Variants in MYO10 observed in about 807,000 individuals in gnomAD.
MYO10 encodes myosin X, also known as unconventional myosin-X.
In MYO10, 133 loss-of-function variants were observed where a neutral mutation model predicts 257.3. The ratio of observed to expected loss-of-function variants is 0.52; its 90% confidence interval spans 0.45 to 0.60. The LOEUF (loss-of-function observed/expected upper bound fraction) is 0.60. MYO10 is among the 20% of genes least tolerant of loss of function. The pLI is 0.00. For missense variants in MYO10, 2,399 were observed against 2,635.7 expected, an observed-to-expected ratio of 0.91 and a Z score of 1.97; for synonymous variants, 1,104 against 1,028.6, an observed-to-expected ratio of 1.07 and a Z score of -1.40.
intron 3 of MYO10, among the ~76,000 whole-genome samples, chr5:16,811,393 T>C (rs1742437356): frequency 6.6e-6 from 1 of 152,210 alleles, no homozygotes; most frequent in South Asian, 2.1e-4. Context: ...AACCTCAGGC[T>C]GCCCATCCCA....
chr5:16,839,840 C>T (rs1349755380), intron 2 of MYO10, among the ~76,000 whole-genome samples: 1 of 152,150 alleles, frequency 6.6e-6, no homozygotes, highest in African/African-American at 2.4e-5. Flanking sequence ...TTAAGGTAGG[C>T]TAGGCTAGGC....
chr5:16,668,306 C>G lies in MYO10; in HGVS notation c.6046G>C (p.Glu2016Gln). 1 of 1,613,334 alleles carries G rather than the reference C, an allele frequency of 6.2e-7. No homozygotes were observed. Among genetic ancestry groups the G allele is most frequent in the Non-Finnish European group, 8.5e-7 (1 of 1,179,664 alleles). The change falls in exon 40 of 41, where the codon GAG (glutamate) becomes CAG (glutamine). Residue 2016 changes from glutamate (E) to glutamine (Q), a missense_variant. Physicochemically the swap from Glu to Gln is conservative, Grantham distance 29. Transcript: ENST00000513610. ...CTGGTTTCAAAGAGCAGCTCCCTCTCATCGACCACGATCTTATACGTATTC... is the reference window on the plus strand; with the variant it reads ...CTGGTTTCAAAGAGCAGCTCCCTCTGATCGACCACGATCTTATACGTATTC... ...LANTYKIVVD[E>Q]RELLFETSEV...
intron 2 of MYO10, among the ~76,000 whole-genome samples, chr5:16,875,383 T>TA (rs1447402687): frequency 6.6e-6 from 1 of 152,060 alleles, no homozygotes; most frequent in Non-Finnish European, 1.5e-5. Flanking sequence ...CAGGGAAACT[T>TA]AAACATTTAA....
At chr5:16,789,726 G>A (rs1446326324) in intron 4 of MYO10, among the ~76,000 whole-genome samples, 4 of 152,172 alleles carry the variant, frequency 2.6e-5, no homozygotes, top group Non-Finnish European at 5.9e-5. Context: ...TTGGGAGGAG[G>A]AGCCGAGATT....
chr5:16,739,150 A>G (rs968671008), intron 19 of MYO10, among the ~76,000 whole-genome samples: 2 of 147,980 alleles, frequency 1.4e-5, no homozygotes, highest in Non-Finnish European at 3.0e-5. Context: ...TGTGCTTGTA[A>G]ATAGCCCCTG....
chr5:16,926,836 C>T (rs1042178072), intron 1 of MYO10, among the ~76,000 whole-genome samples: 2 of 151,786 alleles, frequency 1.3e-5, no homozygotes, highest in African/African-American at 2.4e-5. Context: ...AAAATATGGA[C>T]AAAAAAATAG....
intron 4 of MYO10, among the ~76,000 whole-genome samples, chr5:16,790,236 A>G (rs1741712461): frequency 6.6e-6 from 1 of 152,140 alleles, no homozygotes; most frequent in Non-Finnish European, 1.5e-5. Flanking sequence ...ATCCTGAACC[A>G]ACAGTCATTC....
intron 2 of MYO10, among the ~76,000 whole-genome samples, chr5:16,869,055 C>G (rs775264548): frequency 6.6e-6 from 1 of 152,204 alleles, no homozygotes; most frequent in Middle Eastern, 3.4e-3. Context: ...GACAGAGTCT[C>G]GCTCTGTCGC....
At chr5:16,810,003 A>G (rs1742388795) in intron 3 of MYO10, among the ~76,000 whole-genome samples, 2 of 152,082 alleles carry the variant, frequency 1.3e-5, no homozygotes. Flanking sequence ...CCCTGTAATG[A>G]AGAGAATGTG....
chr5:16,911,188 C>A (rs1156662760), intron 1 of MYO10, among the ~76,000 whole-genome samples: 1 of 152,110 alleles, frequency 6.6e-6, no homozygotes, highest in East Asian at 1.9e-4. Flanking sequence ...CTATGAGGAT[C>A]CATTCAGAAA....
At chr5:16,878,320 A>G (rs1744662119) in intron 1 of MYO10, among the ~76,000 whole-genome samples, 1 of 152,322 alleles carries the variant, frequency 6.6e-6, no homozygotes, top group East Asian at 1.9e-4. Flanking sequence ...GAAGTTTCTA[A>G]TATTTATCAG....
intron 2 of MYO10, among the ~76,000 whole-genome samples, chr5:16,841,468 T>C (rs1743479383): frequency 6.6e-6 from 1 of 152,204 alleles, no homozygotes; most frequent in Admixed American, 6.5e-5. Context: ...AAAATGTCTT[T>C]AAGTTAATCC....
At chr5:16,743,270 G>A (rs939245423) in intron 19 of MYO10, among the ~76,000 whole-genome samples, 2 of 152,144 alleles carry the variant, frequency 1.3e-5, no homozygotes, top group Non-Finnish European at 2.9e-5. Context: ...GTCCTAACTC[G>A]CAAGTTGATG....
At chr5:16,812,039 G>A (rs939150275) in intron 3 of MYO10, among the ~76,000 whole-genome samples, 2 of 152,146 alleles carry the variant, frequency 1.3e-5, no homozygotes, top group Non-Finnish European at 2.9e-5. Context: ...AGAAGTCTAG[G>A]CCCTCATCAG....
At chr5:16,673,964 G>C in intron 35 of MYO10, 75 bp from the exon 36 acceptor site, 1 of 1,373,482 alleles carries the variant, frequency 7.3e-7, no homozygotes, top group South Asian at 1.2e-5. Context: ...GCTGTGCCAA[G>C]GTTCTGTAGA....
chr5:16,736,892 T>C (rs1176493349), intron 19 of MYO10, among the ~76,000 whole-genome samples: 4 of 152,200 alleles, frequency 2.6e-5, no homozygotes, highest in Non-Finnish European at 5.9e-5. Flanking sequence ...GCAAAATTTG[T>C]CGTAGACCCC....
chr5:16,708,650 C>A (rs181721977), intron 21 of MYO10, among the ~76,000 whole-genome samples: 13 of 152,268 alleles, frequency 8.5e-5, no homozygotes, highest in African/African-American at 3.1e-4. Context: ...CAGTCTTGAC[C>A]TCCTGGGTTC....
intron 11 of MYO10, among the ~76,000 whole-genome samples, chr5:16,765,851 T>TA (rs1740846307): frequency 6.6e-6 from 1 of 152,220 alleles, no homozygotes; most frequent in South Asian, 2.1e-4. Flanking sequence ...CCCATCCTCT[T>TA]AAACAACAAT....
intron 28 of MYO10, among the ~76,000 whole-genome samples, 188 bp from the exon 29 acceptor site, chr5:16,686,019 G>A (rs1737238016): frequency 6.6e-6 from 1 of 152,176 alleles, no homozygotes; most frequent in Non-Finnish European, 1.5e-5. Flanking sequence ...GATAAAGTAC[G>A]TGTAAATGCC....
Sources: allele counts gnomAD v4.1 joint callset (sites outside exome capture counted in the v4.1 genomes callset), GRCh38; gene constraint gnomAD v4.1.1; transcripts MANE v1.5; gene names NCBI Gene and HGNC (gene_info 2026-07-23, HGNC 2026-07-21).